CADM4: variants seen among roughly 807,000 people sequenced by gnomAD.
CADM4 encodes TSLC1-like 2.
A neutral mutation model predicts 43.9 loss-of-function variants in CADM4; 13 were observed. The ratio of observed to expected loss-of-function variants is 0.30; its 90% CI spans 0.19 to 0.47. The LOEUF (loss-of-function observed/expected upper bound fraction) is 0.47, where lower values mean the gene tolerates loss of function less well. Among genes scored for constraint, CADM4 ranks in the 20% least tolerant of loss-of-function variants. The pLI is 1.00. For synonymous variants in CADM4, 209 were observed against 220.9 expected, an observed-to-expected ratio of 0.95 and a Z score of 0.48; for missense variants, 420 against 527.0, an observed-to-expected ratio of 0.80 and a Z score of 1.99.
chr19:43,624,998 A>T, intron 7 of CADM4, 80 bp downstream of exon 7: 1 of 1,407,382 alleles, frequency 7.1e-7, no homozygotes, highest in Non-Finnish European at 9.6e-7. Flanking sequence ...CCCCTGAGTT[A>T]TGTGGCCTCT....
chr19:43,626,052 A>G lies in CADM4; in HGVS notation c.665-51T>C. On this transcript the variant is annotated intron_variant, in intron 5 of 8. Transcript: ENST00000222374. The surrounding 1 kb of genome is among the most constrained non-coding windows in gnomAD (Gnocchi z 5.9). ...AGTAGTTTCCAAGCCATCACGCAGG[A>G]CAAGGGGGACCCTCGCGGGTGCGGG... is the stretch of plus-strand genomic sequence containing the variant. The G allele has an allele frequency of 6.2e-7, 1 of 1,613,182 alleles. No individual in the cohort carries two copies. The highest frequency in any genetic ancestry group is 8.5e-7 in the Non-Finnish European group (1 of 1,179,378).
intron 7 of CADM4, 120 bp from the exon 8 acceptor site, chr19:43,624,362 C>T (rs1490977235): frequency 1.6e-6 from 2 of 1,285,762 alleles, no homozygotes; most frequent in Non-Finnish European, 1.1e-6. Flanking sequence ...ATGTGCCACA[C>T]CCCTCAAAAA....
intron 1 of CADM4, among the ~76,000 whole-genome samples, chr19:43,635,260 T>C (rs983129050): frequency 6.6e-6 from 1 of 152,060 alleles, no homozygotes; most frequent in African/African-American, 2.4e-5. Context: ...CCTGGCATCC[T>C]GCCTCCTTCC....
chr19:43,633,677 T>C (rs1973660657), intron 1 of CADM4, among the ~76,000 whole-genome samples: 1 of 151,444 alleles, frequency 6.6e-6, no homozygotes, highest in African/African-American at 2.4e-5. Context: ...TTTCTTTCTC[T>C]TTCTTTCTTT....
Position 43,627,124 on chromosome 19 carries a change from G to T in CADM4, c.364+42C>A. 6.6e-7 allele frequency: 1 copy of T among 1,526,008 alleles called. No homozygotes were observed. Among genetic ancestry groups the T allele is most frequent in the Non-Finnish European group, 8.8e-7 (1 of 1,133,344 alleles). 94.5% of individuals were successfully genotyped at this position (1,526,008 alleles called of 1,614,324 possible). On this transcript the variant is annotated intron_variant, in intron 3 of 8. Coordinates refer to ENST00000222374, the MANE Select transcript of CADM4 (RefSeq NM_145296.2). The surrounding 1 kb of genome is among the most constrained non-coding windows in gnomAD (Gnocchi z 4.0). ...CTCAGGAGAAGAGAGAAGCAGAGAAGAAAGGAGGAGAGGATGCGTCTGACA... is the reference window on the plus strand; with the variant it reads ...CTCAGGAGAAGAGAGAAGCAGAGAATAAAGGAGGAGAGGATGCGTCTGACA...
rs573236783 is a variant in CADM4, at chr19:43,629,528, C to T, written c.65-1738G>A. ...CCCCATAGCTACCAATTATTAGGTA[C>T]TTGCAGTGTTAGTCCCTGTGCTAAG... On this transcript the variant is annotated intron_variant, in intron 1 of 8. Transcript: ENST00000222374. 4.6e-5 allele frequency among the ~76,000 whole-genome samples: 7 copies of T among 152,294 alleles called. No homozygotes were observed. In the East Asian group the frequency reaches 1.3e-3, roughly 29 times the overall value.
At chr19:43,636,286 C>T (rs1973702854) in intron 1 of CADM4, among the ~76,000 whole-genome samples, 1 of 152,062 alleles carries the variant, frequency 6.6e-6, no homozygotes, top group Non-Finnish European at 1.5e-5. Flanking sequence ...GGCCTCAGGC[C>T]CAGCCAGGGA....
rs1973523830 is a variant in CADM4 at position 43,626,188 on chromosome 19, C to T, written c.600G>A (p.Glu200=). The change falls in exon 5 of 9, where the codon GAG becomes GAA. Residue 200 remains glutamate, a synonymous_variant. Coordinates refer to ENST00000222374, the MANE Select transcript of CADM4 (RefSeq NM_145296.2). This position sits in a 1 kb window ranked among gnomAD's most constrained non-coding sequence, Gnocchi z 5.9. The part of the protein sequence containing the change: ...RKDDGGIIIC[E]AQNQALPSGH... ...CGGAGGGCAGCGCCTGGTTCTGCGC[C>T]TCACAGATGATGATACCACCGTCGT... 2 of 1,613,964 alleles carry T rather than the reference C, an allele frequency of 1.2e-6. No homozygotes were observed. The highest frequency in any genetic ancestry group is 1.7e-6 in the Non-Finnish European group (2 of 1,180,010).
chr19:43,632,270 C>G (rs1326092509), intron 1 of CADM4, among the ~76,000 whole-genome samples: 1 of 152,172 alleles, frequency 6.6e-6, no homozygotes, highest in Non-Finnish European at 1.5e-5. Flanking sequence ...TATCCCAGAT[C>G]TCATCACCTT....
chr19:43,641,451 G>C (rs1392949380), upstream of CADM4, among the ~76,000 whole-genome samples: 6 of 151,984 alleles, frequency 3.9e-5, no homozygotes, highest in Non-Finnish European at 7.4e-5. Context: ...CTGTCCTCAG[G>C]GTCCAAGCTC....
chr19:43,627,296 C>G lies in CADM4; in HGVS notation c.234G>C (p.Gln78His), dbSNP rs776156134. The G allele has an allele frequency of 3.7e-6, 6 of 1,603,102 alleles. No individual in the cohort carries two copies. Among genetic ancestry groups the G allele is most frequent in the Non-Finnish European group, 5.1e-6 (6 of 1,174,298 alleles). Residue 78 changes from glutamine (Q) to histidine (H), a missense_variant, in exon 3 of 9, where the codon CAG becomes CAC. Coordinates refer to ENST00000222374, the MANE Select transcript of CADM4 (RefSeq NM_145296.2). This position sits in a 1 kb window ranked among gnomAD's most constrained non-coding sequence, Gnocchi z 4.0. ...CCCGGCGTGGGGAGAACTCCTCAAG[C>G]TGGAAACGCTCATCCTTCAAGGCTA... ...GTRALKDERF[Q>H]LEEFSPRRVR...
intron 7 of CADM4, chr19:43,624,782 C>A: frequency 2.3e-6 from 1 of 428,574 alleles, no homozygotes; most frequent in Non-Finnish European, 4.2e-6. Flanking sequence ...TGTGCTAGAG[C>A]CCATTCCAAC....
intron 1 of CADM4, among the ~76,000 whole-genome samples, chr19:43,630,281 C>CTT (rs59489315): frequency 0.18 from 13,034 of 73,354 alleles, 1,663 homozygotes; most frequent in Non-Finnish European, 0.19. Context: ...TTTTTCTTTT[C>CTT]TTTTTTTTTT....
Position 43,624,178 on chromosome 19 carries a change from C to T in CADM4, c.993G>A (p.Ala331=), listed in dbSNP as rs748349226. Residue 331 remains alanine (A), a synonymous_variant, in exon 8 of 9, where the codon GCG becomes GCA. Coordinates refer to ENST00000222374, the MANE Select transcript of CADM4 (RefSeq NM_145296.2). ...CACATATGATCAGAAACACCAGCAG[C>T]GCCAGGATGCCGCCCACAATGGCAT... ...VPYAIVGGIL[A]LLVFLIICVL... The T allele has an allele frequency of 3.3e-5, 54 of 1,614,026 alleles. No homozygotes were observed. Among genetic ancestry groups the T allele is most frequent in the Non-Finnish European group, 4.2e-5 (50 of 1,180,038 alleles).
intron 7 of CADM4, 114 bp from the exon 8 acceptor site, chr19:43,624,356 GCCACACCCC>G: frequency 7.6e-7 from 1 of 1,323,704 alleles, no homozygotes; most frequent in Non-Finnish European, 1.0e-6. Context: ...CCTTTTATGT[GCCACACCCC>G]TCAAAAATTA....
At chr19:43,624,038 A>G (rs1600093940) in intron 8 of CADM4, 76 bp downstream of exon 8, 17 of 1,565,418 alleles carry the variant, frequency 1.1e-5, no homozygotes, top group South Asian at 3.5e-5. Context: ...CCCTCTCGTT[A>G]CCCTGGCTCT....
At chr19:43,641,230 A>G (rs1281011814), upstream of CADM4, among the ~76,000 whole-genome samples, 2 of 152,034 alleles carry the variant, frequency 1.3e-5, no homozygotes, top group African/African-American at 4.8e-5. Context: ...GGCCTCCCAA[A>G]GTGCTGGATT....
intron 7 of CADM4, chr19:43,624,827 C>G (rs963400065): frequency 9.5e-6 from 5 of 527,888 alleles, no homozygotes; most frequent in Non-Finnish European, 1.7e-5. Context: ...ATCTTCACAA[C>G]AGCCTTGTTA....
chr19:43,639,422 A>T (rs1285619345), intron 1 of CADM4, among the ~76,000 whole-genome samples: 2 of 150,250 alleles, frequency 1.3e-5, no homozygotes, highest in African/African-American at 4.9e-5. Flanking sequence ...GAGACTGGAC[A>T]GAAGGACAGC....
Sources: gnomAD v4.1 joint callset for allele counts (sites outside exome capture counted in the v4.1 genomes callset) on GRCh38, gnomAD v4.1.1 for gene constraint, Gnocchi (gnomAD v3.1) non-coding constraint, MANE v1.5 for transcripts, NCBI Gene and HGNC (gene_info 2026-07-23, HGNC 2026-07-21) for gene names.